ARFGAP3: variants seen among roughly 807,000 people sequenced by gnomAD.
The protein encoded by ARFGAP3 is ARF GTPase activating protein 3.
ARFGAP3 carries 72 observed loss-of-function variants against 75.0 expected under a neutral mutation model. The ratio of observed to expected loss-of-function variants is 0.96; its 90% CI spans 0.79 to 1.17. The LOEUF is 1.17. ARFGAP3 is among the 50% of genes most tolerant of loss of function. The probability of loss-of-function intolerance (pLI) is 0.00; values close to 1 mark genes in which losing one functional copy is unlikely to be tolerated. For missense variants in ARFGAP3, 620 were observed against 626.6 expected (o/e 0.99, Z 0.11); for synonymous variants, 221 against 217.9 (o/e 1.01, Z -0.13).
intron 2 of ARFGAP3, among the ~76,000 whole-genome samples, chr22:42,845,002 G>T (rs1926950085): frequency 1.3e-5 from 2 of 152,124 alleles, no homozygotes. Flanking sequence ...CCTCACGGAG[G>T]AACACATCAT....
rs111846836 is a variant in ARFGAP3, at chr22:42,797,090, A to G, written c.*498T>C. 9.2e-3 allele frequency: 1,407 copies of G among 153,324 alleles called. 30 individuals carry two copies. The highest frequency in any genetic ancestry group is 0.033 in the African/African-American group (1,354 of 41,622). 9.5% of individuals were successfully genotyped at this position (153,324 alleles called of 1,614,324 possible). On this transcript the variant is annotated 3_prime_UTR_variant, in exon 16 of 16. Coordinates refer to ENST00000263245, the MANE Select transcript of ARFGAP3 (RefSeq NM_014570.5). ...AATATTATTTGGCAGTCACCTTACT[A>G]TGTAGAAACATAAATGAAGCAATCT...
chr22:42,818,217 C>T (rs1925663604), intron 9 of ARFGAP3, among the ~76,000 whole-genome samples: 3 of 151,620 alleles, frequency 2.0e-5, no homozygotes, highest in Non-Finnish European at 2.9e-5. Flanking sequence ...TTCCACATTA[C>T]ATAACAAAGC....
In ARFGAP3 at chr22:42,799,093, T is replaced by C. The variant is rs2146520034; in HGVS notation, c.1479A>G (p.Arg493=). Residue 493 remains arginine, a synonymous_variant, in exon 15 of 16, where the codon AGA becomes AGG. Coordinates refer to ENST00000263245, the MANE Select transcript of ARFGAP3 (RefSeq NM_014570.5). ...AGACGGAGAGTTTTCCAGCAACCGA[T>C]CTCACTCCCTGCTTGAACTGCGCCA... ...PDMAQFKQGV[R]SVAGKLSVFA... 1.2e-6 allele frequency: 2 copies of C among 1,614,094 alleles called. No individual in the cohort carries two copies. The highest frequency in any genetic ancestry group is 2.2e-5 in the East Asian group (1 of 44,866).
At chr22:42,799,691 A>G (rs2179872) in intron 14 of ARFGAP3, among the ~76,000 whole-genome samples, 99,809 of 152,106 alleles carry the variant, frequency 0.66, 34,684 homozygotes, top group African/African-American at 0.88. Flanking sequence ...TCAAATGAGA[A>G]GAGCCATTTG....
chr22:42,835,589 A>G, intron 3 of ARFGAP3, 96 bp from the exon 4 acceptor site: 5 of 1,401,500 alleles, frequency 3.6e-6, no homozygotes, highest in Non-Finnish European at 4.9e-6. Flanking sequence ...TGGGAGGCCG[A>G]GGCAGGCAGA....
chr22:42,822,204 A>G, intron 9 of ARFGAP3, 66 bp downstream of exon 9: 1 of 1,421,136 alleles, frequency 7.0e-7, no homozygotes, highest in Non-Finnish European at 9.7e-7. Flanking sequence ...GGCATTTGGA[A>G]AGCAAAATCT....
chr22:42,805,069 C>T (rs1219434798), intron 14 of ARFGAP3, among the ~76,000 whole-genome samples: 2 of 152,092 alleles, frequency 1.3e-5, no homozygotes, highest in Admixed American at 6.6e-5. Context: ...AGTTTGAGAC[C>T]AGCCTGGGCA....
At position 42,831,721 on chromosome 22, in the gene ARFGAP3, A is replaced by C. The variant is rs1237106750; in HGVS notation, c.478-85T>G. The stretch of plus-strand genomic sequence containing the variant: ...CATCAAAGCACGGGAAAAACCTAAC[A>C]ATTTAAACAGCCACATTCTGAGTCC... On this transcript the variant is annotated intron_variant, in intron 5 of 15. Coordinates refer to ENST00000263245, the MANE Select transcript of ARFGAP3 (RefSeq NM_014570.5). The C allele has an allele frequency of 8.8e-6, 14 of 1,588,054 alleles. 1 individual carries two copies. The South Asian group carries it at 1.1e-4, about 13-fold the overall frequency.
At chr22:42,823,821 CT>C (rs1244122398) in intron 7 of ARFGAP3, 119 bp from the exon 8 acceptor site, 3 of 1,203,054 alleles carry the variant, frequency 2.5e-6, no homozygotes, top group Non-Finnish European at 3.3e-6. Context: ...ACATTTTCCA[CT>C]TTAGTTTCTC....
At chr22:42,822,196 C>A in intron 9 of ARFGAP3, 74 bp downstream of exon 9, 1 of 1,163,250 alleles carries the variant, frequency 8.6e-7, no homozygotes. Context: ...AAATACATGG[C>A]ATTTGGAAAG....
intron 14 of ARFGAP3, among the ~76,000 whole-genome samples, chr22:42,805,868 C>T (rs1925096166): frequency 6.6e-6 from 1 of 152,352 alleles, no homozygotes; most frequent in South Asian, 2.1e-4. Flanking sequence ...GCTCTGCCAA[C>T]ACAACCCTTG....
At chr22:42,835,980 C>CTTTT (rs545758118) in intron 3 of ARFGAP3, among the ~76,000 whole-genome samples, 392 of 105,642 alleles carry the variant, frequency 3.7e-3, no homozygotes, top group Non-Finnish European at 5.8e-3. Flanking sequence ...CCATTTCTTT[C>CTTTT]TTTTTTTTTT....
intron 3 of ARFGAP3, among the ~76,000 whole-genome samples, chr22:42,840,096 A>G (rs1215560959): frequency 6.6e-6 from 1 of 151,660 alleles, no homozygotes; most frequent in Non-Finnish European, 1.5e-5. Context: ...ATGATTTGCT[A>G]ATTTTTGCAT....
At chr22:42,827,086 C>T in intron 6 of ARFGAP3, 87 bp from the exon 7 acceptor site, 4 of 1,457,498 alleles carry the variant, frequency 2.7e-6, no homozygotes, top group Non-Finnish European at 3.6e-6. Context: ...TTGCTCAGTG[C>T]TACATCTTAT....
At chr22:42,810,118 C>A (rs1602096560) in intron 12 of ARFGAP3, among the ~76,000 whole-genome samples, 1 of 151,782 alleles carries the variant, frequency 6.6e-6, no homozygotes, top group East Asian at 1.9e-4. Flanking sequence ...ACACACATTT[C>A]TTTCAAGGTC....
At chr22:42,815,569 A>G (rs890474200) in intron 11 of ARFGAP3, among the ~76,000 whole-genome samples, 3 of 152,204 alleles carry the variant, frequency 2.0e-5, no homozygotes, top group Non-Finnish European at 2.9e-5. Context: ...TAATATATTT[A>G]TATCTGTTCT....
intron 1 of ARFGAP3, among the ~76,000 whole-genome samples, chr22:42,851,535 G>A (rs953991915): frequency 3.3e-5 from 5 of 152,256 alleles, no homozygotes; most frequent in Admixed American, 2.6e-4. Context: ...AAATGCGAAT[G>A]CACATGGTGG....
At chr22:42,802,952 A>G (rs1038125122) in intron 14 of ARFGAP3, among the ~76,000 whole-genome samples, 3 of 152,186 alleles carry the variant, frequency 2.0e-5, no homozygotes, top group Admixed American at 6.5e-5. Flanking sequence ...TGCTTCATGC[A>G]GACAAATGAA....
chr22:42,804,524 G>A (rs981637407), intron 14 of ARFGAP3, among the ~76,000 whole-genome samples: 14 of 152,140 alleles, frequency 9.2e-5, no homozygotes, highest in African/African-American at 3.4e-4. Flanking sequence ...TGGGACTACA[G>A]GCACATGCCA....
Sources: gnomAD v4.1 joint callset for allele counts (sites outside exome capture counted in the v4.1 genomes callset) on GRCh38, gnomAD v4.1.1 for gene constraint, MANE v1.5 for transcripts, NCBI Gene and HGNC (gene_info 2026-07-23, HGNC 2026-07-21) for gene names.